OSBPL9: variants seen among roughly 807,000 people sequenced by gnomAD.
OSBPL9 encodes the protein oxysterol-binding protein-related protein 9.
A neutral mutation model predicts 106.6 loss-of-function variants in OSBPL9; 40 were observed. That is an observed-to-expected ratio of 0.38 (90% CI 0.29 to 0.49). OSBPL9 has a LOEUF of 0.49. Among genes scored for constraint, OSBPL9 ranks in the 20% least tolerant of loss-of-function variants. The probability of loss-of-function intolerance (pLI) is 0.97; values close to 1 mark genes in which losing one functional copy is unlikely to be tolerated. For missense variants in OSBPL9, 609 were observed against 887.2 expected, an observed-to-expected ratio of 0.69 and a Z score of 3.98; for synonymous variants, 269 against 295.4, an observed-to-expected ratio of 0.91 and a Z score of 0.92.
the OSBPL9 span, among the ~76,000 whole-genome samples, chr1:51,522,330 G>GC: frequency 2.6e-5 from 4 of 152,162 alleles, no homozygotes; most frequent in African/African-American, 4.8e-5. Context: ...TATGGGAATT[G>GC]CCCCACGTCC....
At chr1:51,782,502 C>A in intron 16 of OSBPL9, 57 bp from the exon 17 acceptor site, 3 of 1,514,196 alleles carry the variant, frequency 2.0e-6, no homozygotes, top group South Asian at 2.3e-5. Flanking sequence ...ACCAGATTCT[C>A]TGAAATGTCA....
chr1:51,707,134 C>T (rs1658721759), intron 3 of OSBPL9: 2 of 378,600 alleles, frequency 5.3e-6, no homozygotes, highest in Admixed American at 2.6e-5. Flanking sequence ...GTCCTGGGCA[C>T]TTACTCCTTG....
chr1:51,681,303 T>C (rs747602803), intron 3 of OSBPL9, among the ~76,000 whole-genome samples: 13 of 152,180 alleles, frequency 8.5e-5, no homozygotes, highest in Non-Finnish European at 1.5e-4. Flanking sequence ...GGGTATATTC[T>C]TACCACATAC....
At chr1:51,530,205 A>AAG in the OSBPL9 span, among the ~76,000 whole-genome samples, 4 of 139,890 alleles carry the variant, frequency 2.9e-5, no homozygotes, top group African/African-American at 1.1e-4. Flanking sequence ...AAAAAAAAAA[A>AAG]CCTCTAAGAA....
chr1:51,535,596 C>T, the OSBPL9 span, among the ~76,000 whole-genome samples: 1 of 151,874 alleles, frequency 6.6e-6, no homozygotes. Context: ...CTCACTCTGT[C>T]GCCCAGGCTG....
At chr1:51,719,522 C>CAAG (rs1164020671) in intron 4 of OSBPL9, among the ~76,000 whole-genome samples, 2 of 151,700 alleles carry the variant, frequency 1.3e-5, no homozygotes, top group Admixed American at 6.6e-5. Flanking sequence ...TTGATCATCA[C>CAAG]AAGAAGACTC....
At chr1:51,750,260 T>C (rs1336300229) in intron 8 of OSBPL9, 65 bp downstream of exon 8, 8 of 1,161,332 alleles carry the variant, frequency 6.9e-6, no homozygotes, top group Non-Finnish European at 1.0e-5. Context: ...GGCGTTTTTC[T>C]TTAATAGCAA....
At chr1:51,563,575 T>C in the OSBPL9 span, 6 of 152,248 alleles carry the variant, frequency 3.9e-5, no homozygotes, top group African/African-American at 7.2e-5. Flanking sequence ...AGCGTTGACA[T>C]GTCTTTTGTC....
intron 4 of OSBPL9, among the ~76,000 whole-genome samples, chr1:51,716,172 A>G (rs1354155059): frequency 2.6e-5 from 4 of 152,238 alleles, no homozygotes; most frequent in Non-Finnish European, 4.4e-5. Flanking sequence ...TACATGTAAT[A>G]CAAGAGGTTT....
At chr1:51,753,486 G>T (rs985696207) in intron 8 of OSBPL9, among the ~76,000 whole-genome samples, 2 of 152,172 alleles carry the variant, frequency 1.3e-5, no homozygotes, top group African/African-American at 4.8e-5. Context: ...TCTGGTAAAA[G>T]TTGGAGAACT....
chr1:51,762,016 A>G lies in OSBPL9; in HGVS notation c.778+45A>G, dbSNP rs569646363. 31 of 1,404,710 alleles carry G rather than the reference A, an allele frequency of 2.2e-5. 1 individual carries two copies. The South Asian group carries it at 3.2e-4, about 15-fold the overall frequency. 87.0% of individuals were successfully genotyped at this position (1,404,710 alleles called of 1,614,324 possible). A position where few individuals can be genotyped will look rare whatever the true frequency, so the allele number is the denominator to read the frequency against. The stretch of plus-strand genomic sequence containing the variant: ...CTTTATGTCTCATAACTCTATTAAC[A>G]TTTGAGGTTTGTTTGTGACCTCTGA... On this transcript the variant is annotated intron_variant, in intron 11 of 23. Coordinates refer to ENST00000428468, the MANE Select transcript of OSBPL9 (RefSeq NM_024586.6).
intron 6 of OSBPL9, among the ~76,000 whole-genome samples, 197 bp downstream of exon 6, chr1:51,746,954 C>A (rs1228708733): frequency 6.6e-6 from 1 of 152,094 alleles, no homozygotes; most frequent in Non-Finnish European, 1.5e-5. Flanking sequence ...GGATAATATA[C>A]AGAGTTGTGG....
At chr1:51,630,061 G>A (rs1022136204) in intron 1 of OSBPL9, among the ~76,000 whole-genome samples, 1 of 152,066 alleles carries the variant, frequency 6.6e-6, no homozygotes, top group Non-Finnish European at 1.5e-5. Context: ...GGACGGAGGA[G>A]ATGGGGAGTG....
intron 3 of OSBPL9, among the ~76,000 whole-genome samples, chr1:51,698,022 G>A (rs1048835280): frequency 3.9e-5 from 6 of 151,984 alleles, no homozygotes; most frequent in African/African-American, 1.5e-4. Flanking sequence ...GGTAAATATT[G>A]TACAGATTAT....
intron 8 of OSBPL9, chr1:51,752,502 G>GAGTACAATC: frequency 2.2e-6 from 1 of 455,952 alleles, no homozygotes; most frequent in Non-Finnish European, 4.4e-6. Context: ...GTCTACCCTA[G>GAGTACAATC]AGTACAATCT....
At chr1:51,750,020 G>A in intron 7 of OSBPL9, 125 bp from the exon 8 acceptor site, 1 of 511,608 alleles carries the variant, frequency 2.0e-6, no homozygotes, top group Non-Finnish European at 3.3e-6. Flanking sequence ...ATCCAAAGAG[G>A]ATATTTCTTG....
chr1:51,726,079 AAAG>A (rs1370750804), intron 4 of OSBPL9, among the ~76,000 whole-genome samples: 2 of 152,364 alleles, frequency 1.3e-5, no homozygotes, highest in Admixed American at 1.3e-4. Context: ...AATAAAGAGA[AAAG>A]AAGATGTTAT....
chr1:51,530,176 A>AAAAAAAAAAAACAAAC, the OSBPL9 span, among the ~76,000 whole-genome samples: 10 of 107,704 alleles, frequency 9.3e-5, no homozygotes, highest in Non-Finnish European at 1.5e-4. Flanking sequence ...GTCTCAAAAA[A>AAAAAAAAAAAACAAAC]AAAAAAAAAA....
intron 2 of OSBPL9, among the ~76,000 whole-genome samples, chr1:51,663,871 C>T (rs867843779): frequency 6.6e-6 from 1 of 152,130 alleles, no homozygotes; most frequent in Admixed American, 6.5e-5. Context: ...TTCAAATGGT[C>T]AGAAACCATG....
Sources: allele counts gnomAD v4.1 joint callset (sites outside exome capture counted in the v4.1 genomes callset), GRCh38; gene constraint gnomAD v4.1.1; transcripts MANE v1.5; gene names NCBI Gene and HGNC (gene_info 2026-07-23, HGNC 2026-07-21).